Variants in ING5 observed in about 807,000 individuals in gnomAD.
ING5 encodes inhibitor of growth protein 5.
A neutral mutation model predicts 37.4 loss-of-function variants in ING5; 17 were observed. The ratio of observed to expected loss-of-function variants is 0.45; its 90% CI spans 0.31 to 0.68. The LOEUF (loss-of-function observed/expected upper bound fraction) is 0.68, where lower values mean the gene tolerates loss of function less well. Ranked by LOEUF, ING5 falls within the 30% of genes least tolerant of loss-of-function variation. The probability of loss-of-function intolerance (pLI) is 0.05; values close to 1 mark genes in which losing one functional copy is unlikely to be tolerated. For missense variants in ING5, 233 were observed against 311.9 expected, an observed-to-expected ratio of 0.75 and a Z score of 1.91; for synonymous variants, 123 against 116.6, an observed-to-expected ratio of 1.06 and a Z score of -0.36.
intron 2 of ING5, among the ~76,000 whole-genome samples, chr2:241,695,437 C>T (rs1575115421): frequency 6.6e-6 from 1 of 152,322 alleles, no homozygotes; most frequent in East Asian, 1.9e-4. Context: ...CCTGTAATCC[C>T]AGCACTTTGG....
chr2:241,719,487 A>G (rs957715354), intron 5 of ING5: 1 of 1,418,734 alleles, frequency 7.0e-7, no homozygotes, highest in Middle Eastern at 1.7e-4. Flanking sequence ...ACTCAGTGGC[A>G]ACAGCGTTCT....
At chr2:241,717,038 T>A (rs1345724343) in intron 5 of ING5, among the ~76,000 whole-genome samples, 2 of 152,144 alleles carry the variant, frequency 1.3e-5, no homozygotes, top group African/African-American at 2.4e-5. Flanking sequence ...TCACCCCATA[T>A]ATAGTTACCT....
At chr2:241,690,365 C>T in exon 2 of ING5, 1 of 373,146 alleles carries the variant, frequency 2.7e-6, no homozygotes. Context: ...AATCATCTGA[C>T]ATTACATGAA....
At chr2:241,724,719 C>T (rs1691537601) in intron 7 of ING5, 4 of 525,764 alleles carry the variant, frequency 7.6e-6, no homozygotes, top group Non-Finnish European at 1.0e-5. Flanking sequence ...GAAGAAGGAC[C>T]CACCTGTTAA....
At chr2:241,724,833 C>A in intron 7 of ING5, 156 bp from the exon 8 acceptor site, 2 of 670,116 alleles carry the variant, frequency 3.0e-6, no homozygotes, top group African/African-American at 1.8e-5. Context: ...GGCGCATTTT[C>A]CCTGCGGGAG....
At chr2:241,718,017 CTTTA>C (rs1450053640) in intron 5 of ING5, among the ~76,000 whole-genome samples, 4 of 152,078 alleles carry the variant, frequency 2.6e-5, no homozygotes, top group African/African-American at 7.2e-5. Context: ...GTTTCTATTA[CTTTA>C]TTTATTTATG....
rs146685989 is a variant in ING5 at position 241,716,247 on chromosome 2, C to T, written c.482+4176C>T. 2.0e-4 allele frequency among the ~76,000 whole-genome samples: 29 copies of T among 147,724 alleles called. No individual in the cohort carries two copies. In the East Asian group the frequency reaches 5.2e-3, roughly 27 times the overall value. On this transcript the variant is annotated intron_variant, in intron 5 of 7. Transcript: ENST00000313552. ...ACTAATCAGGTATTTTTTAGTATTC[C>T]GTTTTTTTCCCCACTCTTGTCTTAT...
rs2070382796 is a variant in ING5, at chr2:241,719,832, G to A, written c.483-3107G>A. On this transcript the variant is annotated intron_variant, in intron 5 of 7. Coordinates refer to ENST00000313552, the MANE Select transcript of ING5 (RefSeq NM_032329.6). ...GACCAGCACTGTTTAGTAGCAATGC[G>A]GAGCCTGGGAGCTCAGCGCTGCCTG... The A allele has an allele frequency of 3.0e-5, 42 of 1,403,952 alleles. 1 individual carries two copies. Among genetic ancestry groups the A allele is most frequent in the Middle Eastern group, 2.2e-4 (1 of 4,528 alleles). 87.0% of individuals were successfully genotyped at this position (1,403,952 alleles called of 1,614,324 possible).
At position 241,729,178 on chromosome 2, in the gene ING5, C is replaced by G. The variant is rs576811345; in HGVS notation, c.*4147C>G. The G allele has an allele frequency of 2.8e-4, 43 of 152,752 alleles. No homozygotes were observed. The highest frequency in any genetic ancestry group is 9.4e-4 in the African/African-American group (39 of 41,566). The allele number at this position is 152,752 out of a possible 1,614,324, so 9.5% of individuals were successfully genotyped here. ...TACTTGTGCTGAGAGGAATTTTAAG[C>G]CAGGGGAAGTGTAAGAAAATGTTCC... is the stretch of plus-strand genomic sequence containing the variant. On this transcript the variant is annotated 3_prime_UTR_variant, in exon 8 of 8. Coordinates refer to ENST00000313552, the MANE Select transcript of ING5 (RefSeq NM_032329.6).
rs1691583104 is a variant in ING5 at position 241,725,502 on chromosome 2, T to C, written c.*471T>C. ...GCCACTGCCGTGGCGGCGGCTGCCC[T>C]CCTCACACTCGGCTCCGCGCCGCCT... On this transcript the variant is annotated 3_prime_UTR_variant, in exon 8 of 8. Transcript: ENST00000313552. The C allele has an allele frequency of 6.6e-6, 1 of 152,618 alleles. No individual in the cohort carries two copies. 9.5% of individuals were successfully genotyped at this position (152,618 alleles called of 1,614,324 possible). A position where few individuals can be genotyped will look rare whatever the true frequency, so the allele number is the denominator to read the frequency against.
At chr2:241,718,369 C>T (rs1271393171) in intron 5 of ING5, among the ~76,000 whole-genome samples, 3 of 143,928 alleles carry the variant, frequency 2.1e-5, no homozygotes, top group Admixed American at 7.0e-5. Flanking sequence ...CCCTCCCTCC[C>T]TTCCTCCCTC....
At chr2:241,721,804 C>T (rs567334592) in intron 5 of ING5, 1 of 985,500 alleles carries the variant, frequency 1.0e-6, no homozygotes. Flanking sequence ...AAATTTCCCC[C>T]TAAGTGCATC....
At chr2:241,720,531 G>T in intron 5 of ING5, 5 of 991,444 alleles carry the variant, frequency 5.0e-6, no homozygotes, top group Non-Finnish European at 4.8e-6. Context: ...CCTTGCTCTG[G>T]CGAGGCAGAA....
intron 5 of ING5, chr2:241,719,692 G>A (rs1385653800): frequency 8.5e-6 from 13 of 1,520,738 alleles, no homozygotes; most frequent in Non-Finnish European, 9.7e-6. Context: ...TGGGGTCGGG[G>A]CTTCCTCCCT....
upstream of ING5, among the ~76,000 whole-genome samples, chr2:241,699,037 T>TG (rs2069674055): frequency 1.5e-3 from 167 of 113,128 alleles, 1 homozygote; most frequent in Middle Eastern, 7.7e-3. Flanking sequence ...GAATTTTTTT[T>TG]TGGGGGGGGA....
rs930587666 is a variant in ING5 at position 241,725,547 on chromosome 2, G to C, written c.*516G>C. The stretch of plus-strand genomic sequence containing the variant: ...CCGCCTCCGGCCACCGTGCGCTCCC[G>C]CGTGGGGCGCCTCGGATGGGCCCGG... On this transcript the variant is annotated 3_prime_UTR_variant, in exon 8 of 8. Coordinates refer to ENST00000313552, the MANE Select transcript of ING5 (RefSeq NM_032329.6). 3 of 152,104 alleles carry C rather than the reference G, an allele frequency of 2.0e-5. No individual in the cohort carries two copies. The highest frequency in any genetic ancestry group is 6.6e-5 in the Admixed American group (1 of 15,256). The allele number at this position is 152,104 out of a possible 1,614,324, so 9.4% of individuals were successfully genotyped here.
intron 5 of ING5, among the ~76,000 whole-genome samples, chr2:241,716,663 T>C (rs2070280921): frequency 6.6e-6 from 1 of 152,150 alleles, no homozygotes; most frequent in Non-Finnish European, 1.5e-5. Context: ...GCTTCAGATA[T>C]TACACTATTT....
At chr2:241,721,649 G>A (rs1381393892) in intron 5 of ING5, 3 of 985,320 alleles carry the variant, frequency 3.0e-6, no homozygotes, top group Non-Finnish European at 3.6e-6. Flanking sequence ...CTGCTAACCT[G>A]CTGTGTTTAC....
At chr2:241,687,355 G>A in exon 1 of ING5, 1 of 398,840 alleles carries the variant, frequency 2.5e-6, no homozygotes, top group Admixed American at 4.4e-5. Flanking sequence ...CTCACCTGGA[G>A]CCCAGCACGA....
Sources: allele counts gnomAD v4.1 joint callset (sites outside exome capture counted in the v4.1 genomes callset), GRCh38; gene constraint gnomAD v4.1.1; transcripts MANE v1.5; gene names NCBI Gene and HGNC (gene_info 2026-07-23, HGNC 2026-07-21).